GAD1: variants seen among roughly 807,000 people sequenced by gnomAD.
The protein encoded by GAD1 is glutamate decarboxylase 1, also known as 67 kDa glutamic acid decarboxylase.
A neutral mutation model predicts 75.2 loss-of-function variants in GAD1; 35 were observed. The ratio of observed to expected loss-of-function variants is 0.47; its 90% confidence interval spans 0.36 to 0.62. GAD1 has a LOEUF of 0.62. GAD1 is among the 20% of genes least tolerant of loss of function. GAD1 has a pLI of 0.00. For missense variants in GAD1, 490 were observed against 758.5 expected, an observed-to-expected ratio of 0.65 and a Z score of 4.16; for synonymous variants, 257 against 271.9, an observed-to-expected ratio of 0.95 and a Z score of 0.54.
intron 2 of GAD1, among the ~76,000 whole-genome samples, chr2:170,821,436 G>A (rs951226208): frequency 6.6e-6 from 1 of 152,194 alleles, no homozygotes; most frequent in Non-Finnish European, 1.5e-5. Flanking sequence ...ATGAGGGGCA[G>A]GTTGGGAAGA....
In GAD1 at chr2:170,822,114, AT is replaced by A; in HGVS notation, c.111del (p.His37GlnfsTer28). Reference sequence around the variant, plus strand: ...TACGATACCTGGTGCGGCGTGGCCCATGGATGCACCAGAAAACTGGGGCTCA... The same window carrying A: ...TACGATACCTGGTGCGGCGTGGCCCAGGATGCACCAGAAAACTGGGGCTCA... ...TTYDTWCGVA[H>X]GCTRKLGLKI... On this transcript the variant is annotated frameshift_variant, in exon 3 of 17. Coordinates refer to ENST00000358196, the MANE Select transcript of GAD1 (RefSeq NM_000817.3). LOFTEE classifies it high-confidence loss of function. 6.2e-7 allele frequency: 1 copy of A among 1,612,288 alleles called. No individual in the cohort carries two copies. Among genetic ancestry groups the A allele is most frequent in the Non-Finnish European group, 8.5e-7 (1 of 1,179,470 alleles).
chr2:170,846,306 A>T (rs1395648958), intron 10 of GAD1, among the ~76,000 whole-genome samples: 1 of 152,228 alleles, frequency 6.6e-6, no homozygotes, highest in African/African-American at 2.4e-5. Flanking sequence ...CATTGTGCCA[A>T]GTGATTGGTT....
chr2:170,826,302 C>T (rs922355586), intron 3 of GAD1, among the ~76,000 whole-genome samples: 3 of 152,140 alleles, frequency 2.0e-5, no homozygotes, highest in Admixed American at 6.5e-5. Context: ...CGCAGTGGCT[C>T]GCACCTGTAA....
chr2:170,839,520 A>C (rs1239586475), intron 6 of GAD1, among the ~76,000 whole-genome samples: 1 of 151,954 alleles, frequency 6.6e-6, no homozygotes, highest in Admixed American at 6.6e-5. Context: ...AGGCTGAGGC[A>C]GGAGAATCAC....
intron 2 of GAD1, among the ~76,000 whole-genome samples, chr2:170,820,664 T>A (rs1309377641): frequency 1.3e-5 from 2 of 152,200 alleles, no homozygotes. Flanking sequence ...CGACCCTTGC[T>A]ACATCAAAGG....
At chr2:170,828,494 T>A (rs1702102009) in intron 3 of GAD1, among the ~76,000 whole-genome samples, 1 of 134,010 alleles carries the variant, frequency 7.5e-6, no homozygotes, top group Non-Finnish European at 1.6e-5. Context: ...CTCCCTCTGC[T>A]GTCCTTGATC....
Position 170,859,691 on chromosome 2 carries a change from T to C in GAD1, c.1612-18T>C. On this transcript the variant is annotated intron_variant, in intron 16 of 16. Transcript: ENST00000358196. ...TTCATATCAATCTTGAGTTTTGTTT[T>C]GTGTTTTCCATCACAAGGTGGCTCC... 2 of 1,613,832 alleles carry C rather than the reference T, an allele frequency of 1.2e-6. No homozygotes were observed. The highest frequency in any genetic ancestry group is 1.3e-5 in the African/African-American group (1 of 75,050).
intron 5 of GAD1, among the ~76,000 whole-genome samples, chr2:170,833,358 G>A (rs1047575409): frequency 2.0e-5 from 3 of 152,242 alleles, no homozygotes; most frequent in Non-Finnish European, 2.9e-5. Flanking sequence ...ACAAGACTCA[G>A]TTATATGTAC....
At chr2:170,829,319 G>A (rs1295732651) in intron 3 of GAD1, 156 bp from the exon 4 acceptor site, 19 of 809,940 alleles carry the variant, frequency 2.3e-5, no homozygotes, top group African/African-American at 5.1e-5. Context: ...GCCTGAAGGC[G>A]AGCAGTGCCA....
At chr2:170,857,179 G>A (rs1702870372) in intron 15 of GAD1, 54 bp downstream of exon 15, 10 of 1,332,428 alleles carry the variant, frequency 7.5e-6, no homozygotes. Context: ...ACTGCTGAGG[G>A]AAGCTCCTGA....
intron 3 of GAD1, 22 bp from the exon 4 acceptor site, chr2:170,829,453 T>C (rs1362581476): frequency 6.2e-7 from 1 of 1,612,210 alleles, no homozygotes; most frequent in Non-Finnish European, 8.5e-7. Flanking sequence ...GCACTCTCTC[T>C]GACCAGCTTC....
chr2:170,845,131 T>A (rs1332408186), intron 7 of GAD1, among the ~76,000 whole-genome samples: 1 of 152,200 alleles, frequency 6.6e-6, no homozygotes, highest in Admixed American at 6.5e-5. Context: ...AGGGAACAGA[T>A]TCATCTTTGT....
rs763182381 is a variant in GAD1, at chr2:170,831,005, G to T, written c.360G>T (p.Val120=). ...EEQTVQFLLE[V]VDILLNYVRK... The stretch of plus-strand genomic sequence containing the variant: ...AAACCGTGCAATTCCTCCTGGAAGT[G>T]GTGGACATACTCCTCAACTATGTCC... Residue 120 remains valine (V), a synonymous_variant, in exon 5 of 17, where the codon GTG becomes GTT. Coordinates refer to ENST00000358196, the MANE Select transcript of GAD1 (RefSeq NM_000817.3). The T allele has an allele frequency of 6.2e-7, 1 of 1,614,042 alleles. No individual in the cohort carries two copies. The highest frequency in any genetic ancestry group is 8.5e-7 in the Non-Finnish European group (1 of 1,180,052).
chr2:170,832,656 GCGCGCGCGCACACA>G (rs1186573562), intron 5 of GAD1, among the ~76,000 whole-genome samples: 23 of 39,174 alleles, frequency 5.9e-4, no homozygotes, highest in African/African-American at 8.4e-4. Context: ...ACACATGCGC[GCGCGCGCGCACACA>G]CACACACACA....
At chr2:170,848,991 T>TGG in intron 11 of GAD1, 1 of 472,712 alleles carries the variant, frequency 2.1e-6, no homozygotes, top group East Asian at 4.4e-5. Flanking sequence ...CACAACACAT[T>TGG]GGGCTAATGG....
chr2:170,833,112 CCTT>C (rs1244741824), intron 5 of GAD1, among the ~76,000 whole-genome samples: 3 of 152,324 alleles, frequency 2.0e-5, no homozygotes, highest in Admixed American at 1.3e-4. Context: ...CTTTGTCTCT[CCTT>C]CTTTATTTTC....
intron 4 of GAD1, among the ~76,000 whole-genome samples, chr2:170,830,592 G>A (rs946615896): frequency 6.6e-6 from 1 of 152,204 alleles, no homozygotes; most frequent in Non-Finnish European, 1.5e-5. Context: ...CAGATAGACA[G>A]GGACACACCT....
At chr2:170,831,695 ATAAT>A (rs1486011166) in intron 5 of GAD1, among the ~76,000 whole-genome samples, 1 of 141,902 alleles carries the variant, frequency 7.0e-6, no homozygotes, top group East Asian at 1.9e-4. Context: ...TAAATAAATA[ATAAT>A]TATAAATAAT....
At chr2:170,836,507 C>T (rs1702379367) in intron 5 of GAD1, among the ~76,000 whole-genome samples, 1 of 152,108 alleles carries the variant, frequency 6.6e-6, no homozygotes, top group African/African-American at 2.4e-5. Flanking sequence ...CAAAACACAT[C>T]AAAACACAAA....
Sources: allele counts gnomAD v4.1 joint callset (sites outside exome capture counted in the v4.1 genomes callset), GRCh38; gene constraint gnomAD v4.1.1; transcripts MANE v1.5; gene names NCBI Gene and HGNC (gene_info 2026-07-23, HGNC 2026-07-21).